Variants in KIF9 observed in about 807,000 individuals in gnomAD.
The protein encoded by KIF9 is kinesin-like protein KIF9.
In KIF9, 68 loss-of-function variants were observed where a neutral mutation model predicts 94.8. The observed-to-expected ratio is 0.72, with a 90% confidence interval of 0.59 to 0.88. The LOEUF (loss-of-function observed/expected upper bound fraction) is 0.88, where lower values mean the gene tolerates loss of function less well. Ranked by LOEUF, KIF9 falls within the 40% of genes least tolerant of loss-of-function variation. KIF9 has a pLI of 0.00. For synonymous variants in KIF9, 343 were observed against 362.1 expected, an observed-to-expected ratio of 0.95 and a Z score of 0.60; for missense variants, 882 against 982.5, an observed-to-expected ratio of 0.90 and a Z score of 1.37.
At chr3:47,267,101 A>G (rs770254194) in intron 6 of KIF9, 33 bp from the exon 7 acceptor site, 2 of 1,608,498 alleles carry the variant, frequency 1.2e-6, no homozygotes, top group East Asian at 4.5e-5. Context: ...TTAGACTGTC[A>G]CAGGGAGAAG....
intron 9 of KIF9, chr3:47,263,791 A>G: frequency 2.2e-6 from 1 of 454,608 alleles, no homozygotes; most frequent in Non-Finnish European, 4.4e-6. Flanking sequence ...CTGAGGCCCA[A>G]GGGCATTTAA....
At chr3:47,275,242 C>G in intron 3 of KIF9, 83 bp downstream of exon 3, 1 of 1,059,752 alleles carries the variant, frequency 9.4e-7, no homozygotes, top group Non-Finnish European at 1.4e-6. Context: ...AGTGAGTGAG[C>G]TTTTATTTTA....
At chr3:47,268,692 C>T (rs932561402) in intron 5 of KIF9, among the ~76,000 whole-genome samples, 1 of 151,580 alleles carries the variant, frequency 6.6e-6, no homozygotes, top group Non-Finnish European at 1.5e-5. Context: ...AAGTGATCCT[C>T]CTACCTCAGC....
At chr3:47,254,685 C>A (rs994116260) in intron 10 of KIF9, among the ~76,000 whole-genome samples, 3 of 152,090 alleles carry the variant, frequency 2.0e-5, no homozygotes, top group Non-Finnish European at 4.4e-5. Flanking sequence ...GGGTGCTAAA[C>A]CCAGGAGAGC....
At chr3:47,238,861 C>T (rs577008821) in intron 17 of KIF9, among the ~76,000 whole-genome samples, 1 of 152,272 alleles carries the variant, frequency 6.6e-6, no homozygotes, top group African/African-American at 2.4e-5. Flanking sequence ...GACAGGGTTT[C>T]ACCGTGTTAG....
Position 47,282,774 on chromosome 3 carries a change from C to A in KIF9, c.-285G>T, listed in dbSNP as rs1444366748. ...AGTCAAGGTCGAGATAGCGAGGGAA[C>A]GAAGGCCGCACATGAACCAGGAAGC... On this transcript the variant is annotated 5_prime_UTR_variant, in exon 1 of 21. Transcript: ENST00000684063. The A allele has an allele frequency of 2.4e-5, 35 of 1,430,430 alleles. No individual in the cohort carries two copies. The highest frequency in any genetic ancestry group is 2.9e-5 in the Non-Finnish European group (32 of 1,096,242). The allele number at this position is 1,430,430 out of a possible 1,614,324, so 88.6% of individuals were successfully genotyped here.
intron 5 of KIF9, 45 bp from the exon 6 acceptor site, chr3:47,267,308 C>G (rs146105016): frequency 7.4e-7 from 1 of 1,358,560 alleles, no homozygotes; most frequent in African/African-American, 1.4e-5. Flanking sequence ...AAAACTAAAA[C>G]GACAAGGCAC....
At position 47,239,476 on chromosome 3, in the gene KIF9, G is replaced by GT. The variant is rs1294458532; in HGVS notation, c.1924+1324dup. On this transcript the variant is annotated intron_variant, in intron 17 of 20. Transcript: ENST00000684063. ...TGGCCTTCTCCAGCTTCCCAGACCC[G>GT]TGGAGGGCTTTGCCCTCAGGAATAG... 12 of 843,842 alleles carry GT rather than the reference G, an allele frequency of 1.4e-5. No homozygotes were observed. In the East Asian group the frequency reaches 9.4e-4, roughly 66 times the overall value. 52.3% of individuals were successfully genotyped at this position (843,842 alleles called of 1,614,324 possible). A position where few individuals can be genotyped will look rare whatever the true frequency, so the allele number is the denominator to read the frequency against.
At chr3:47,251,672 T>C (rs1355987993) in intron 10 of KIF9, among the ~76,000 whole-genome samples, 1 of 152,198 alleles carries the variant, frequency 6.6e-6, no homozygotes, top group African/African-American at 2.4e-5. Context: ...ATAAATGTAA[T>C]GAGGATAATT....
intron 9 of KIF9, among the ~76,000 whole-genome samples, chr3:47,260,778 C>T (rs933505685): frequency 6.6e-6 from 1 of 152,264 alleles, no homozygotes; most frequent in East Asian, 1.9e-4. Context: ...GGAGCAGGAC[C>T]AATAGGAAAC....
chr3:47,246,960 G>A (rs567679498), intron 12 of KIF9, among the ~76,000 whole-genome samples: 1 of 152,056 alleles, frequency 6.6e-6, no homozygotes, highest in African/African-American at 2.4e-5. Flanking sequence ...CTCCAACATG[G>A]GCCCTGGGGT....
At chr3:47,245,891 G>A (rs1358475544) in intron 13 of KIF9, 5 of 480,392 alleles carry the variant, frequency 1.0e-5, no homozygotes, top group Non-Finnish European at 1.1e-5. Context: ...CAGACTATGG[G>A]TATGTTTGCA....
chr3:47,267,295 C>T (rs1296725174), intron 5 of KIF9, 32 bp from the exon 6 acceptor site: 7 of 1,501,778 alleles, frequency 4.7e-6, no homozygotes, highest in South Asian at 2.3e-5. Flanking sequence ...GGCAACATTT[C>T]GAAAAACTAA....
intron 1 of KIF9, among the ~76,000 whole-genome samples, chr3:47,277,938 C>A (rs1223041944): frequency 2.0e-5 from 3 of 152,092 alleles, no homozygotes; most frequent in African/African-American, 7.2e-5. Flanking sequence ...CACAGACAGT[C>A]CCCTACCTCC....
chr3:47,272,546 A>G (rs538655904), intron 4 of KIF9, among the ~76,000 whole-genome samples: 4 of 152,316 alleles, frequency 2.6e-5, no homozygotes, highest in African/African-American at 7.2e-5. Context: ...ATGTGCCCCA[A>G]GTATAAAATA....
intron 20 of KIF9, among the ~76,000 whole-genome samples, chr3:47,231,038 A>G (rs2106978181): frequency 6.9e-6 from 1 of 145,932 alleles, no homozygotes; most frequent in South Asian, 2.3e-4. Flanking sequence ...AACTCCGTCT[A>G]AAAAAAAAAG....
chr3:47,243,404 G>T, intron 15 of KIF9, 159 bp from the exon 16 acceptor site: 1 of 491,718 alleles, frequency 2.0e-6, no homozygotes, highest in Non-Finnish European at 3.5e-6. Context: ...ATAGTGTGAT[G>T]CTAAGCCAGG....
At position 47,248,083 on chromosome 3, in the gene KIF9, T is replaced by C; in HGVS notation, c.1063A>G (p.Met355Val). Reference protein sequence around the residue: ...AINEKYDAERMVKNLEKELAL... With the variant: ...AINEKYDAERVVKNLEKELAL... ...AGTTCCTTCTCCAGGTTCTTGACCA[T>C]TCTCTGCCGGGAAACATGGTAGGGT... Residue 355 changes from methionine to valine, a missense_variant, in exon 11 of 21, where the codon ATG becomes GTG. Transcript: ENST00000684063. The C allele has an allele frequency of 6.2e-7, 1 of 1,613,160 alleles. No individual in the cohort carries two copies. The highest frequency in any genetic ancestry group is 1.3e-5 in the African/African-American group (1 of 74,976).
At position 47,243,107 on chromosome 3, in the gene KIF9, A is replaced by G. The variant is rs1407556561; in HGVS notation, c.1653T>C (p.Thr551=). 1 of 1,613,874 alleles carries G rather than the reference A, an allele frequency of 6.2e-7. No homozygotes were observed. Among genetic ancestry groups the G allele is most frequent in the African/African-American group, 1.3e-5 (1 of 75,030 alleles). Residue 551 remains threonine (T), a synonymous_variant, in exon 16 of 21, where the codon ACT becomes ACC. Coordinates refer to ENST00000684063, the MANE Select transcript of KIF9 (RefSeq NM_182902.4). ...VKDMLSRDRE[T]SSIEPLPSDS... ...CTGAGGGAAGGGGCTCAATGCTGGA[A>G]GTTTCCCGGTCCCGCGAAAGCATGT...
Sources: allele counts gnomAD v4.1 joint callset (sites outside exome capture counted in the v4.1 genomes callset), GRCh38; gene constraint gnomAD v4.1.1; transcripts MANE v1.5; gene names NCBI Gene and HGNC (gene_info 2026-07-23, HGNC 2026-07-21).